Variants in DRG1 observed in about 807,000 individuals in gnomAD.
The protein encoded by DRG1 is developmentally regulated GTP binding protein 1.
A neutral mutation model predicts 38.8 loss-of-function variants in DRG1; 19 were observed. That is an observed-to-expected ratio of 0.49 (90% CI 0.34 to 0.72). The LOEUF is 0.72. Ranked by LOEUF, DRG1 falls within the 30% of genes least tolerant of loss-of-function variation. The pLI is 0.01. For missense variants in DRG1, 299 were observed against 444.8 expected (o/e 0.67, Z 2.95); for synonymous variants, 167 against 157.5 (o/e 1.06, Z -0.45).
intron 6 of DRG1, 74 bp from the exon 7 acceptor site, chr22:31,426,541 G>C: frequency 1.5e-6 from 2 of 1,365,984 alleles, no homozygotes; most frequent in Non-Finnish European, 2.0e-6. Flanking sequence ...CTGGGTGAGG[G>C]TGTGCTGTTC....
At chr22:31,431,720 A>T (rs2050140375) in intron 8 of DRG1, among the ~76,000 whole-genome samples, 1 of 152,196 alleles carries the variant, frequency 6.6e-6, no homozygotes, top group Non-Finnish European at 1.5e-5. Context: ...AAGAGTACTG[A>T]GAGAGTGAAG....
At chr22:31,424,488 CTTTTTTTTTTTT>C (rs398036881) in intron 6 of DRG1, among the ~76,000 whole-genome samples, 6 of 71,396 alleles carry the variant, frequency 8.4e-5, no homozygotes, top group African/African-American at 2.3e-4. Flanking sequence ...GCTTTGGTTT[CTTTTTTTTTTTT>C]TTTTTTTTTT....
chr22:31,410,921 G>A, intron 3 of DRG1, 91 bp from the exon 4 acceptor site: 2 of 1,330,628 alleles, frequency 1.5e-6, no homozygotes, highest in Non-Finnish European at 2.1e-6. Context: ...TAAATTATAG[G>A]TACTTGAGAA....
chr22:31,402,909 C>A, intron 2 of DRG1, 120 bp from the exon 3 acceptor site: 2 of 1,137,264 alleles, frequency 1.8e-6, no homozygotes, highest in Non-Finnish European at 2.5e-6. Flanking sequence ...AAAGGTAAAC[C>A]ATAAAAAGTT....
At position 31,403,157 on chromosome 22, in the gene DRG1, C is replaced by A. The variant is rs1443880442; in HGVS notation, c.295C>A (p.Leu99Met). The A allele has an allele frequency of 6.2e-7, 1 of 1,614,056 alleles. No homozygotes were observed. The highest frequency in any genetic ancestry group is 1.1e-5 in the South Asian group (1 of 91,064). The change falls in exon 3 of 9, where the codon CTG becomes ATG. Residue 99 changes from leucine to methionine, a missense_variant. This residue lies in a region of DRG1 where 50 missense variants were observed against 120.6 expected (regional missense o/e 0.41). Coordinates refer to ENST00000331457, the MANE Select transcript of DRG1 (RefSeq NM_004147.4). Reference protein sequence around the residue: ...SEVAAYEFTTLTTVPGVIRYK... With the variant: ...SEVAAYEFTTMTTVPGVIRYK... ...GGTGGCAGCCTATGAATTCACTACT[C>A]TGACCACTGTGCCTGGTGTCATCAG...
intron 3 of DRG1, among the ~76,000 whole-genome samples, chr22:31,404,615 A>G (rs2049979937): frequency 6.6e-6 from 1 of 150,606 alleles, no homozygotes. Flanking sequence ...GTGTAATTCC[A>G]TGTTTTTTTG....
chr22:31,420,232 G>A lies in DRG1; in HGVS notation c.413-24G>A, dbSNP rs372624238. On this transcript the variant is annotated intron_variant, in intron 4 of 8. Transcript: ENST00000331457. ...TTAAGGCTTTATTGAACTTTCTTGC[G>A]TATGTTTTTTTCTTACTCTTCAGTG... The A allele has an allele frequency of 4.8e-5, 77 of 1,606,338 alleles. 2 individuals are homozygous for A. Among genetic ancestry groups the A allele is most frequent in the East Asian group, 3.6e-4 (16 of 44,768 alleles).
intron 8 of DRG1, among the ~76,000 whole-genome samples, chr22:31,427,608 C>G (rs1421830397): frequency 2.0e-5 from 3 of 152,124 alleles, no homozygotes; most frequent in Non-Finnish European, 4.4e-5. Context: ...TTGCTGTTGC[C>G]TTGGCTGGAG....
At chr22:31,403,557 C>T (rs1168770489) in intron 3 of DRG1, among the ~76,000 whole-genome samples, 2 of 152,144 alleles carry the variant, frequency 1.3e-5, no homozygotes, top group Non-Finnish European at 2.9e-5. Flanking sequence ...ATCCCAGCAA[C>T]TCGGGAGGCT....
intron 8 of DRG1, among the ~76,000 whole-genome samples, chr22:31,432,573 G>A (rs761504657): frequency 4.0e-4 from 61 of 152,114 alleles, no homozygotes; most frequent in African/African-American, 1.1e-3. Context: ...CTATAGGTGC[G>A]CGCTACCACG....
intron 4 of DRG1, among the ~76,000 whole-genome samples, chr22:31,419,177 C>G (rs1420361690): frequency 1.3e-5 from 2 of 151,976 alleles, no homozygotes; most frequent in African/African-American, 4.8e-5. Context: ...GTGACTCATG[C>G]CTGCAGTCTC....
chr22:31,414,121 T>C (rs938241644), intron 4 of DRG1, among the ~76,000 whole-genome samples: 29 of 152,158 alleles, frequency 1.9e-4, no homozygotes, highest in African/African-American at 6.3e-4. Context: ...TAAATGTGGA[T>C]TGCCCCAACA....
intron 4 of DRG1, among the ~76,000 whole-genome samples, chr22:31,417,964 GCAA>G (rs1341795355): frequency 1.4e-5 from 2 of 148,048 alleles, no homozygotes; most frequent in African/African-American, 5.0e-5. Flanking sequence ...TCCAGCCTGG[GCAA>G]CAAGAGTGAA....
chr22:31,415,796 G>A (rs1569048163), intron 4 of DRG1, among the ~76,000 whole-genome samples: 1 of 152,090 alleles, frequency 6.6e-6, no homozygotes, highest in Admixed American at 6.6e-5. Context: ...TCTTATATCT[G>A]ATATTAGAAG....
At chr22:31,402,130 T>G (rs544976751) in intron 2 of DRG1, among the ~76,000 whole-genome samples, 44 of 152,076 alleles carry the variant, frequency 2.9e-4, no homozygotes, top group Middle Eastern at 3.4e-3. Flanking sequence ...TCAACAAGAT[T>G]AAAAATAAGT....
chr22:31,426,609 C>T lies in DRG1; in HGVS notation c.714-6C>T, dbSNP rs1239181773. The T allele has an allele frequency of 6.2e-7, 1 of 1,604,694 alleles. No homozygotes were observed. Among genetic ancestry groups the T allele is most frequent in the South Asian group, 1.1e-5 (1 of 89,352 alleles). On this transcript the variant is annotated splice_polypyrimidine_tract_variant and splice_region_variant and intron_variant, in intron 6 of 8. Transcript: ENST00000331457. Reference sequence around the variant, plus strand: ...CTAATACCCTGTTTTTCTTCACTTTCTGTAGAGTTTATATCCCCTGTATCT... The same window carrying T: ...CTAATACCCTGTTTTTCTTCACTTTTTGTAGAGTTTATATCCCCTGTATCT...
In DRG1 at chr22:31,400,628, G is replaced by T; in HGVS notation, c.51G>T (p.Arg17=). The change falls in exon 2 of 9, where the codon CGG becomes CGT. Residue 17 remains arginine, a synonymous_variant. Transcript: ENST00000331457. Reference sequence around the variant, plus strand: ...TGATTCCTCCCTTTTAGATGGCTCGGACTCAAAAGAACAAGGCCACAGCAC... The same window carrying T: ...TGATTCCTCCCTTTTAGATGGCTCGTACTCAAAAGAACAAGGCCACAGCAC... ...KIAEIEAEMA[R]TQKNKATAHH... 1.9e-6 allele frequency: 3 copies of T among 1,612,774 alleles called. No individual in the cohort carries two copies. Among genetic ancestry groups the T allele is most frequent in the South Asian group, 1.1e-5 (1 of 90,962 alleles).
At chr22:31,433,494 C>G (rs762941676) in intron 8 of DRG1, among the ~76,000 whole-genome samples, 5 of 152,084 alleles carry the variant, frequency 3.3e-5, no homozygotes, top group Non-Finnish European at 5.9e-5. Context: ...TTTTCTTGAA[C>G]GCCTGATCTC....
chr22:31,413,609 GTTTT>G (rs35654476), intron 4 of DRG1, among the ~76,000 whole-genome samples: 9 of 60,484 alleles, frequency 1.5e-4, no homozygotes, highest in African/African-American at 5.0e-4. Flanking sequence ...CCTATTGTGG[GTTTT>G]TTTTTTTTTT....
Sources: gnomAD v4.1 joint callset for allele counts (sites outside exome capture counted in the v4.1 genomes callset) on GRCh38, gnomAD v4.1.1 for gene constraint, gnomAD v4.1.1 regional missense constraint, MANE v1.5 for transcripts, NCBI Gene and HGNC (gene_info 2026-07-23, HGNC 2026-07-21) for gene names.